The following CEACAM1 variants were observed in gnomAD, a reference collection of about 807,000 sequenced individuals.
The protein encoded by CEACAM1 is cell adhesion molecule CEACAM1.
A neutral mutation model predicts 49.1 loss-of-function variants in CEACAM1; 31 were observed. The observed-to-expected ratio is 0.63, with a 90% confidence interval of 0.47 to 0.85. CEACAM1 has a LOEUF of 0.85. Ranked by LOEUF, CEACAM1 falls within the 40% of genes least tolerant of loss-of-function variation. The pLI is 0.00. For synonymous variants in CEACAM1, 244 were observed against 247.8 expected, an observed-to-expected ratio of 0.98 and a Z score of 0.14; for missense variants, 570 against 645.3, an observed-to-expected ratio of 0.88 and a Z score of 1.26.
In CEACAM1 at chr19:42,508,001, C is replaced by T. The variant is rs1490635255; in HGVS notation, c.*1108G>A. ...AGCTCTAGCCATGAATGAAGAAAAC[C>T]TTTTCTTATTTTCTATTTGGAGCCT... is the stretch of plus-strand genomic sequence containing the variant. On this transcript the variant is annotated 3_prime_UTR_variant, in exon 9 of 9. Coordinates refer to ENST00000161559, the MANE Select transcript of CEACAM1 (RefSeq NM_001712.5). The T allele has an allele frequency of 6.6e-6, 1 of 152,090 alleles. No individual in the cohort carries two copies. Among genetic ancestry groups the T allele is most frequent in the Non-Finnish European group, 1.5e-5 (1 of 68,026 alleles). 9.4% of individuals were successfully genotyped at this position (152,090 alleles called of 1,614,324 possible). A position where few individuals can be genotyped will look rare whatever the true frequency, so the allele number is the denominator to read the frequency against.
chr19:42,509,121 T>C lies in CEACAM1; in HGVS notation c.1569A>G (p.Val523=). The C allele has an allele frequency of 6.2e-7, 1 of 1,614,236 alleles. No homozygotes were observed. The highest frequency in any genetic ancestry group is 1.1e-5 in the South Asian group (1 of 91,082). ...LTATEIIYSE[V]KKQ Reference sequence around the variant, plus strand: ...AGGACAGGTTTCATTACTGCTTTTTTACTTCTGAATAAATTATTTCTGTGG... The same window carrying C: ...AGGACAGGTTTCATTACTGCTTTTTCACTTCTGAATAAATTATTTCTGTGG... Residue 523 remains valine, a synonymous_variant, in exon 9 of 9, where the codon GTA becomes GTG. Coordinates refer to ENST00000161559, the MANE Select transcript of CEACAM1 (RefSeq NM_001712.5).
chr19:42,526,963 C>T (rs1308596890), intron 2 of CEACAM1, 78 bp downstream of exon 2: 5 of 1,560,854 alleles, frequency 3.2e-6, no homozygotes, highest in Non-Finnish European at 1.7e-6. Flanking sequence ...GACACAGGCA[C>T]AGCCCAGGCC....
At chr19:42,515,277 A>G (rs2041571920) in intron 5 of CEACAM1, among the ~76,000 whole-genome samples, 1 of 152,088 alleles carries the variant, frequency 6.6e-6, no homozygotes, top group African/African-American at 2.4e-5. Flanking sequence ...ACAAAACAAA[A>G]ACCCCAAACC....
chr19:42,507,740 A>G lies in CEACAM1; in HGVS notation c.*1369T>C, dbSNP rs2041368129. ...TTATAATCCTCCTCCTCACAGCCCCATTTCCCCAAGGGGCATTAGCACCAG... is the reference window on the plus strand; with the variant it reads ...TTATAATCCTCCTCCTCACAGCCCCGTTTCCCCAAGGGGCATTAGCACCAG... On this transcript the variant is annotated 3_prime_UTR_variant, in exon 9 of 9. Transcript: ENST00000161559. The G allele has an allele frequency of 6.6e-6, 1 of 152,248 alleles. No individual in the cohort carries two copies. Among genetic ancestry groups the G allele is most frequent in the Non-Finnish European group, 1.5e-5 (1 of 68,056 alleles). The allele number at this position is 152,248 out of a possible 1,614,324, so 9.4% of individuals were successfully genotyped here. A position where few individuals can be genotyped will look rare whatever the true frequency, so the allele number is the denominator to read the frequency against.
At position 42,521,435 on chromosome 19, in the gene CEACAM1, T is replaced by G. The variant is rs2041743930; in HGVS notation, c.790A>C (p.Asn264His). The change falls in exon 4 of 9, where the codon AAC (asparagine) becomes CAC (histidine). Residue 264 changes from asparagine (N) to histidine (H), a missense_variant. Transcript: ENST00000161559. ...NLSLSCYAAS[N>H]PPAQYSWLIN... ...AGCCAGGAGTACTGTGCAGGTGGGT[T>G]AGAGGCTGCATAGCAGGAGAGGCTG... 6.2e-7 allele frequency: 1 copy of G among 1,614,072 alleles called. No homozygotes were observed.
intron 5 of CEACAM1, 196 bp downstream of exon 5, chr19:42,518,746 CGCCTTG>C: frequency 3.3e-6 from 2 of 609,802 alleles, no homozygotes; most frequent in Non-Finnish European, 2.9e-6. Flanking sequence ...GTGATCCGCC[CGCCTTG>C]GCCTCCCAAA....
chr19:42,527,518 TG>T, intron 1 of CEACAM1, 118 bp from the exon 2 acceptor site: 1 of 1,175,072 alleles, frequency 8.5e-7, no homozygotes, highest in Non-Finnish European at 1.2e-6. Context: ...TGTGTGTGTG[TG>T]TGTGTGTGTG....
Position 42,507,714 on chromosome 19 carries a change from G to A in CEACAM1, c.*1395C>T, listed in dbSNP as rs554364967. 22 of 152,336 alleles carry A rather than the reference G, an allele frequency of 1.4e-4. No homozygotes were observed. In the East Asian group the frequency reaches 2.7e-3, roughly 19 times the overall value. 9.4% of individuals were successfully genotyped at this position (152,336 alleles called of 1,614,324 possible). On this transcript the variant is annotated 3_prime_UTR_variant, in exon 9 of 9. Transcript: ENST00000161559. ...GGCTGTTAAAAGAGGCTAGGCCTAA[G>A]TTATAATCCTCCTCCTCACAGCCCC...
At chr19:42,515,851 C>G (rs1473890211) in intron 5 of CEACAM1, among the ~76,000 whole-genome samples, 1 of 151,940 alleles carries the variant, frequency 6.6e-6, no homozygotes, top group Admixed American at 6.6e-5. Flanking sequence ...AATTGGATAA[C>G]CTGGATGAAA....
In CEACAM1 at chr19:42,512,406, C is replaced by G. The variant is rs2041481043; in HGVS notation, c.1320G>C (p.Leu440=). Residue 440 remains leucine, a synonymous_variant, in exon 6 of 9, where the codon CTG becomes CTC. Coordinates refer to ENST00000161559, the MANE Select transcript of CEACAM1 (RefSeq NM_001712.5). ...CCAGGGCTACTGCTATCAGAGCAAC[C>G]AGGGCCACTACTCCAATCACAATGC... ...IAGIVIGVVA[L]VALIAVALAC... is the part of the protein sequence containing the mutation. The G allele has an allele frequency of 6.2e-7, 1 of 1,614,160 alleles. No homozygotes were observed.
intron 2 of CEACAM1, among the ~76,000 whole-genome samples, chr19:42,522,830 G>A (rs1167334404): frequency 1.3e-5 from 2 of 152,054 alleles, no homozygotes; most frequent in Non-Finnish European, 2.9e-5. Context: ...CTGGGATTCC[G>A]TCCGGGCATT....
intron 1 of CEACAM1, chr19:42,527,828 C>G (rs1027598274): frequency 5.1e-6 from 1 of 197,432 alleles, no homozygotes; most frequent in African/African-American, 2.4e-5. Context: ...TCTTCCCCAC[C>G]CATGAGAGCG....
intron 5 of CEACAM1, among the ~76,000 whole-genome samples, chr19:42,514,372 C>A (rs1206790594): frequency 6.6e-6 from 1 of 152,028 alleles, no homozygotes; most frequent in Admixed American, 6.6e-5. Flanking sequence ...CTCAGGTGAC[C>A]CGCCTGCCTC....
At chr19:42,509,377 ACCT>A in intron 8 of CEACAM1, 149 bp from the exon 9 acceptor site, 1 of 818,648 alleles carries the variant, frequency 1.2e-6, no homozygotes, top group Non-Finnish European at 1.9e-6. Context: ...CTGCTTGCTG[ACCT>A]CCTGATGAAT....
intron 7 of CEACAM1, chr19:42,511,121 C>T: frequency 3.3e-6 from 2 of 613,108 alleles, no homozygotes; most frequent in Non-Finnish European, 5.8e-6. Flanking sequence ...GGCCACAATC[C>T]ACTTGTGAAG....
In CEACAM1 at chr19:42,526,977, C is replaced by T. The variant is rs1467969557; in HGVS notation, c.424+64G>A. ...GGACACAGGCACAGCCCAGGCCTGA[C>T]AATCCCATGTGTGGGAAGTAGAACT... On this transcript the variant is annotated intron_variant, in intron 2 of 8. Coordinates refer to ENST00000161559, the MANE Select transcript of CEACAM1 (RefSeq NM_001712.5). The T allele has an allele frequency of 7.0e-6, 11 of 1,568,226 alleles. No individual in the cohort carries two copies. The Admixed American group carries it at 2.1e-4, about 29-fold the overall frequency.
intron 2 of CEACAM1, among the ~76,000 whole-genome samples, chr19:42,524,614 C>T (rs770405505): frequency 3.9e-5 from 6 of 151,950 alleles, no homozygotes; most frequent in Non-Finnish European, 7.4e-5. Context: ...ACAGTGTGAG[C>T]GGGAAGGGAA....
At chr19:42,526,316 A>G (rs1300731138) in intron 2 of CEACAM1, among the ~76,000 whole-genome samples, 1 of 152,190 alleles carries the variant, frequency 6.6e-6, no homozygotes, top group Non-Finnish European at 1.5e-5. Flanking sequence ...CTGGTGGACA[A>G]GGAGCTTTCA....
rs1335884800 is a variant in CEACAM1, at chr19:42,527,073, T to G, written c.392A>C (p.Asn131Thr). The change falls in exon 2 of 9, where the codon AAT becomes ACT. Residue 131 changes from asparagine to threonine, a missense_variant. Transcript: ENST00000161559. ...ATGGAACTGTCCAGTTGCTTCTTCA[T>G]TCACAAGATCTGACTTTATGACTTG... is the stretch of plus-strand genomic sequence containing the variant. ...TLQVIKSDLV[N>T]EEATGQFHVY... 3.1e-6 allele frequency: 5 copies of G among 1,610,688 alleles called. No individual in the cohort carries two copies. Among genetic ancestry groups the G allele is most frequent in the Admixed American group, 1.7e-5 (1 of 59,714 alleles).
Sources: gnomAD v4.1 joint callset for allele counts (sites outside exome capture counted in the v4.1 genomes callset) on GRCh38, gnomAD v4.1.1 for gene constraint, MANE v1.5 for transcripts, NCBI Gene and HGNC (gene_info 2026-07-23, HGNC 2026-07-21) for gene names.